The following FTO variants were observed in gnomAD, a reference collection of about 807,000 sequenced individuals.
FTO encodes FTO alpha-ketoglutarate dependent dioxygenase.
Under a neutral mutation model 63.9 loss-of-function variants are expected in FTO, and 47 were observed. That is an observed-to-expected ratio of 0.74 (90% CI 0.58 to 0.94). FTO has a LOEUF of 0.94. Ranked by LOEUF, FTO falls within the 40% of genes least tolerant of loss-of-function variation. The pLI, the probability that FTO is intolerant of heterozygous loss-of-function variation, is 0.00. For missense variants in FTO, 562 were observed against 618.1 expected, an observed-to-expected ratio of 0.91 and a Z score of 0.96; for synonymous variants, 207 against 224.4, an observed-to-expected ratio of 0.92 and a Z score of 0.69.
intron 4 of FTO, among the ~76,000 whole-genome samples, chr16:53,862,279 C>A (rs9927806): frequency 0.39 from 59,264 of 151,860 alleles, 14,494 homozygotes; most frequent in East Asian, 0.77. Flanking sequence ...AAAACCACCA[C>A]CAACAACTCT....
At chr16:53,722,662 A>G (rs914012153) in intron 1 of FTO, among the ~76,000 whole-genome samples, 2 of 152,074 alleles carry the variant, frequency 1.3e-5, no homozygotes, top group African/African-American at 4.8e-5. Context: ...CCCCGTCTCT[A>G]CTAAAGATAC....
At chr16:53,804,527 C>A (rs767133873) in intron 1 of FTO, among the ~76,000 whole-genome samples, 6 of 151,868 alleles carry the variant, frequency 4.0e-5, no homozygotes, top group Admixed American at 6.6e-5. Flanking sequence ...ACAAGGAATG[C>A]TAAATTTGTT....
Position 54,112,802 on chromosome 16 carries a change from C to T in FTO, c.*887C>T, listed in dbSNP as rs1269458974. The T allele has an allele frequency of 3.3e-5, 5 of 152,196 alleles. No individual in the cohort carries two copies. Among genetic ancestry groups the T allele is most frequent in the Middle Eastern group, 3.2e-3 (1 of 316 alleles). The allele number at this position is 152,196 out of a possible 1,614,324, so 9.4% of individuals were successfully genotyped here. ...AGACACAGCCCCATTTACATTATTT[C>T]GTGGATTTCACCAGCATAGTATAGT... is the stretch of plus-strand genomic sequence containing the variant. On this transcript the variant is annotated 3_prime_UTR_variant, in exon 9 of 9. Coordinates refer to ENST00000471389, the MANE Select transcript of FTO (RefSeq NM_001080432.3).
intron 7 of FTO, among the ~76,000 whole-genome samples, chr16:53,898,524 G>A (rs557712058): frequency 1.8e-4 from 27 of 152,260 alleles, no homozygotes; most frequent in Middle Eastern, 3.4e-3. Context: ...CATGAGGGCA[G>A]CAGGGACTTG....
intron 8 of FTO, among the ~76,000 whole-genome samples, chr16:54,033,005 C>T (rs1328941949): frequency 6.6e-6 from 1 of 152,186 alleles, no homozygotes; most frequent in African/African-American, 2.4e-5. Flanking sequence ...TCCCCAGAAG[C>T]CAAGCATATT....
At chr16:53,915,312 A>C (rs892009196) in intron 7 of FTO, among the ~76,000 whole-genome samples, 5 of 152,184 alleles carry the variant, frequency 3.3e-5, no homozygotes, top group Non-Finnish European at 7.4e-5. Flanking sequence ...TACTATAGTG[A>C]ACCATGAAAT....
intron 1 of FTO, among the ~76,000 whole-genome samples, chr16:53,765,955 T>C (rs1381283779): frequency 1.3e-5 from 2 of 152,168 alleles, no homozygotes; most frequent in Non-Finnish European, 2.9e-5. Flanking sequence ...TGACTTACTC[T>C]GATTTGATTT....
intron 8 of FTO, among the ~76,000 whole-genome samples, chr16:54,020,868 A>T (rs8053068): frequency 0.21 from 32,446 of 152,152 alleles, 3,909 homozygotes; most frequent in East Asian, 0.36. Context: ...GCTACTTGGG[A>T]GGCTGAGCAG....
At position 53,856,094 on chromosome 16, in the gene FTO, A is replaced by AAT. The variant is rs1555485880; in HGVS notation, c.895+11796_895+11797insAT. Among the ~76,000 whole-genome samples, 801 of 146,842 alleles carry AAT rather than the reference A, an allele frequency of 5.5e-3. 7 individuals carry two copies. The highest frequency in any genetic ancestry group is 0.019 in the African/African-American group (769 of 39,676). On this transcript the variant is annotated intron_variant, in intron 4 of 8. Coordinates refer to ENST00000471389, the MANE Select transcript of FTO (RefSeq NM_001080432.3). The stretch of plus-strand genomic sequence containing the variant: ...TTCCCAAAGGCATGAGCTATAGAAA[A>AAT]TTTTTTTTTTTAGGCCTTTATGTAG...
chr16:54,000,169 G>C (rs1479597662), intron 8 of FTO, among the ~76,000 whole-genome samples: 1 of 152,076 alleles, frequency 6.6e-6, no homozygotes, highest in African/African-American at 2.4e-5. Flanking sequence ...TCTTTCTCCT[G>C]TTTGGTTGCA....
intron 7 of FTO, among the ~76,000 whole-genome samples, chr16:53,892,082 T>C (rs888584713): frequency 2.6e-4 from 39 of 152,124 alleles, no homozygotes; most frequent in African/African-American, 9.2e-4. Context: ...AAATTCATAG[T>C]GATTTCTTTT....
At chr16:54,041,852 T>G (rs2144280610) in intron 8 of FTO, among the ~76,000 whole-genome samples, 1 of 152,316 alleles carries the variant, frequency 6.6e-6, no homozygotes, top group Middle Eastern at 3.4e-3. Flanking sequence ...CTAACAATCC[T>G]CCTGAAACGT....
At chr16:53,875,927 G>A (rs908320204) in intron 5 of FTO, among the ~76,000 whole-genome samples, 5 of 152,176 alleles carry the variant, frequency 3.3e-5, no homozygotes, top group African/African-American at 4.8e-5. Flanking sequence ...GACCTCAGTC[G>A]ATCCACCCAC....
intron 8 of FTO, among the ~76,000 whole-genome samples, chr16:53,955,761 A>G (rs16952686): frequency 0.077 from 11,767 of 152,246 alleles, 516 homozygotes; most frequent in South Asian, 0.13. Flanking sequence ...AACATTGACC[A>G]TAAGTACATC....
chr16:53,938,154 G>A (rs1365502955), intron 8 of FTO, among the ~76,000 whole-genome samples: 4 of 152,180 alleles, frequency 2.6e-5, no homozygotes, highest in Non-Finnish European at 5.9e-5. Flanking sequence ...ACTGATTATT[G>A]TGCACTCTTT....
chr16:53,710,170 T>C, intron 1 of FTO, among the ~76,000 whole-genome samples: 1 of 149,626 alleles, frequency 6.7e-6, no homozygotes, highest in East Asian at 1.9e-4. Context: ...AAGCTATCTT[T>C]TATTTATTTA....
chr16:53,946,744 A>G lies in FTO; in HGVS notation c.1364+12635A>G, dbSNP rs536645322. 5.8e-4 allele frequency among the ~76,000 whole-genome samples: 89 copies of G among 152,212 alleles called. 1 individual carries two copies. The South Asian group carries it at 0.018, about 31-fold the overall frequency. On this transcript the variant is annotated intron_variant, in intron 8 of 8. Transcript: ENST00000471389. ...TGACAGCCATTGTATCTGTCCAGGT[A>G]CCCCATGGCCTGGCCAGCAAAACCT...
chr16:54,039,843 T>C (rs2085030375), intron 8 of FTO: 1 of 152,250 alleles, frequency 6.6e-6, no homozygotes, highest in Non-Finnish European at 1.5e-5. Flanking sequence ...TTGCTTCCTG[T>C]AGGAATTTGT....
At chr16:53,890,083 C>T (rs951066368) in intron 7 of FTO, among the ~76,000 whole-genome samples, 9 of 152,202 alleles carry the variant, frequency 5.9e-5, no homozygotes, top group African/African-American at 2.2e-4. Flanking sequence ...TGCCCTTCAC[C>T]ACCTCACTGT....
Sources: allele counts gnomAD v4.1 joint callset (sites outside exome capture counted in the v4.1 genomes callset), GRCh38; gene constraint gnomAD v4.1.1; transcripts MANE v1.5; gene names NCBI Gene and HGNC (gene_info 2026-07-23, HGNC 2026-07-21).